BPIFB1: variants seen among roughly 807,000 people sequenced by gnomAD.
BPIFB1 encodes BPI fold-containing family B member 1.
BPIFB1 carries 34 observed loss-of-function variants against 55.1 expected under a neutral mutation model. The observed-to-expected ratio is 0.62, with a 90% CI of 0.47 to 0.82. BPIFB1 has a LOEUF of 0.82. Among genes scored for constraint, BPIFB1 ranks in the 40% least tolerant of loss-of-function variants. BPIFB1 has a pLI of 0.00. For missense variants in BPIFB1, 532 were observed against 593.1 expected (o/e 0.90, Z 1.07); for synonymous variants, 236 against 245.3 (o/e 0.96, Z 0.35).
intron 15 of BPIFB1, 26 bp downstream of exon 15, chr20:33,307,013 C>G: frequency 2.5e-6 from 4 of 1,606,010 alleles, no homozygotes; most frequent in Non-Finnish European, 3.4e-6. Context: ...CCTAAACATC[C>G]TGCCCCAGGG....
chr20:33,294,574 G>A (rs116754605), intron 6 of BPIFB1, among the ~76,000 whole-genome samples: 2,209 of 152,206 alleles, frequency 0.015, 72 homozygotes, highest in African/African-American at 0.051. Flanking sequence ...TTATTTATCT[G>A]TTTCAAGGTG....
intron 15 of BPIFB1, 146 bp downstream of exon 15, chr20:33,307,133 T>C: frequency 1.5e-6 from 1 of 665,584 alleles, no homozygotes; most frequent in Non-Finnish European, 2.7e-6. Flanking sequence ...CACCTCCTCA[T>C]CTGCAAGTGA....
At chr20:33,302,793 G>T in intron 10 of BPIFB1, 123 bp from the exon 11 acceptor site, 1 of 1,084,424 alleles carries the variant, frequency 9.2e-7, no homozygotes, top group South Asian at 1.5e-5. Flanking sequence ...AGAAGGACAG[G>T]GTGGCTGGAA....
chr20:33,286,151 T>C lies in BPIFB1; in HGVS notation c.78T>C (p.Thr26=). ...TGATCCAAGCCACCCTCAGTCCCAC[T>C]GCAGTTCTCATCCTCGGCCCAAAAG... The part of the protein sequence containing the change: ...ATLIQATLSP[T]AVLILGPKVI... The change falls in exon 2 of 16, where the codon ACT becomes ACC. Residue 26 remains threonine (T), a synonymous_variant. Transcript: ENST00000253354. The C allele has an allele frequency of 6.2e-7, 1 of 1,614,210 alleles. No individual in the cohort carries two copies. The highest frequency in any genetic ancestry group is 8.5e-7 in the Non-Finnish European group (1 of 1,180,036).
At position 33,302,419 on chromosome 20, in the gene BPIFB1, C is replaced by T. The variant is rs754833805; in HGVS notation, c.981+7C>T. ...CGGGCTGATCAATGAAAAGGTTGGT[C>T]TGTTTGCCATCTGCAGCTTGAGGGG... is the stretch of plus-strand genomic sequence containing the variant. On this transcript the variant is annotated splice_region_variant and intron_variant, in intron 10 of 15. Coordinates refer to ENST00000253354, the MANE Select transcript of BPIFB1 (RefSeq NM_033197.3). 1 of 1,613,836 alleles carries T rather than the reference C, an allele frequency of 6.2e-7. No homozygotes were observed. The highest frequency in any genetic ancestry group is 2.2e-5 in the East Asian group (1 of 44,828).
intron 2 of BPIFB1, among the ~76,000 whole-genome samples, 188 bp downstream of exon 2, chr20:33,286,376 G>A (rs1980267191): frequency 6.6e-6 from 1 of 152,202 alleles, no homozygotes. Context: ...ACGATTCCAA[G>A]AACCCCTTCT....
intron 1 of BPIFB1, among the ~76,000 whole-genome samples, chr20:33,284,582 A>T (rs1412312134): frequency 1.3e-5 from 2 of 152,206 alleles, no homozygotes; most frequent in African/African-American, 4.8e-5. Flanking sequence ...AGGGCACAGG[A>T]GACACATGTC....
intron 7 of BPIFB1, among the ~76,000 whole-genome samples, chr20:33,298,510 G>A (rs917289759): frequency 1.1e-4 from 16 of 152,182 alleles, no homozygotes; most frequent in Non-Finnish European, 2.1e-4. Flanking sequence ...TGCACTGAGC[G>A]CCACAGGGCA....
intron 7 of BPIFB1, chr20:33,298,697 G>A (rs577090364): frequency 6.5e-6 from 1 of 154,670 alleles, no homozygotes; most frequent in East Asian, 1.9e-4. Flanking sequence ...GAAGACTTGA[G>A]TTCTGAGCGA....
intron 7 of BPIFB1, 103 bp from the exon 8 acceptor site, chr20:33,299,795 GC>G (rs542801747): frequency 8.6e-6 from 7 of 815,862 alleles, no homozygotes; most frequent in Non-Finnish European, 1.1e-5. Flanking sequence ...CTCCCTACCT[GC>G]CCCCCCATGC....
chr20:33,299,804 T>C, intron 7 of BPIFB1, 95 bp from the exon 8 acceptor site: 1 of 705,782 alleles, frequency 1.4e-6, no homozygotes, highest in African/African-American at 1.8e-5. Flanking sequence ...TGCCCCCCCA[T>C]GCAACAGTAC....
intron 6 of BPIFB1, 79 bp downstream of exon 6, chr20:33,292,067 A>G: frequency 7.8e-7 from 1 of 1,284,370 alleles, no homozygotes; most frequent in South Asian, 1.2e-5. Context: ...AGTTGGTGCT[A>G]AGTGACTGGA....
intron 3 of BPIFB1, among the ~76,000 whole-genome samples, chr20:33,289,617 G>A (rs560280048): frequency 2.0e-5 from 3 of 152,288 alleles, no homozygotes; most frequent in Admixed American, 6.5e-5. Context: ...AAGGAGTAAG[G>A]GATCAGCAGG....
At position 33,301,093 on chromosome 20, in the gene BPIFB1, C is replaced by A; in HGVS notation, c.748-140C>A. On this transcript the variant is annotated intron_variant, in intron 8 of 15. Transcript: ENST00000253354. ...CAAAGATGGAGTAGATGTTGCCACACACCTGAGCTCCAGGCTAAGCTTCCT... is the reference window on the plus strand; with the variant it reads ...CAAAGATGGAGTAGATGTTGCCACAAACCTGAGCTCCAGGCTAAGCTTCCT... 3.9e-6 allele frequency: 3 copies of A among 773,080 alleles called. No individual in the cohort carries two copies. The Admixed American group carries it at 7.2e-5, about 19-fold the overall frequency. The allele number at this position is 773,080 out of a possible 1,614,324, so 47.9% of individuals were successfully genotyped here.
intron 2 of BPIFB1, among the ~76,000 whole-genome samples, chr20:33,287,501 T>C (rs1980307027): frequency 6.6e-6 from 1 of 152,120 alleles, no homozygotes; most frequent in Non-Finnish European, 1.5e-5. Flanking sequence ...CAGACAGAGC[T>C]CTAAAGGATA....
rs759313328 is a variant in BPIFB1, at chr20:33,309,808, T to C, written c.*41T>C. 1.3e-6 allele frequency: 2 copies of C among 1,558,474 alleles called. No individual in the cohort carries two copies. The highest frequency in any genetic ancestry group is 1.8e-6 in the Non-Finnish European group (2 of 1,130,220). The stretch of plus-strand genomic sequence containing the variant: ...CCATCAGGGAAGGCTGGGTCCCAGC[T>C]GGGAGTATGGGTGTGAGCTCTATAG... On this transcript the variant is annotated 3_prime_UTR_variant, in exon 16 of 16. Coordinates refer to ENST00000253354, the MANE Select transcript of BPIFB1 (RefSeq NM_033197.3). This position sits in a 1 kb window ranked among gnomAD's most constrained non-coding sequence, Gnocchi z 4.4.
chr20:33,294,465 G>A (rs372163387), intron 6 of BPIFB1, among the ~76,000 whole-genome samples: 5 of 152,178 alleles, frequency 3.3e-5, no homozygotes, highest in South Asian at 2.1e-4. Context: ...GCAAAGGTAC[G>A]TATCCAGGGA....
intron 2 of BPIFB1, 62 bp from the exon 3 acceptor site, chr20:33,288,679 T>C (rs2295576): frequency 0.3 from 467,444 of 1,575,290 alleles, 80,659 homozygotes; most frequent in African/African-American, 0.79. Flanking sequence ...AGCCTGGAGC[T>C]CCCACCAAGC....
intron 2 of BPIFB1, among the ~76,000 whole-genome samples, chr20:33,287,628 G>T (rs1439996050): frequency 6.6e-6 from 1 of 152,188 alleles, no homozygotes; most frequent in Non-Finnish European, 1.5e-5. Context: ...AAGTTTGCTG[G>T]CTTGTCCCAG....
Sources: allele counts gnomAD v4.1 joint callset (sites outside exome capture counted in the v4.1 genomes callset), GRCh38; gene constraint gnomAD v4.1.1; non-coding constraint Gnocchi (gnomAD v3.1); transcripts MANE v1.5; gene names NCBI Gene and HGNC (gene_info 2026-07-23, HGNC 2026-07-21).